Variants in CDH18 observed in about 807,000 individuals in gnomAD.
The protein encoded by CDH18 is cadherin-18.
In CDH18, 31 loss-of-function variants were observed where a neutral mutation model predicts 67.9. The ratio of observed to expected loss-of-function variants is 0.46; its 90% confidence interval spans 0.34 to 0.62. CDH18 has a LOEUF of 0.62. Among genes scored for constraint, CDH18 ranks in the 20% least tolerant of loss-of-function variants. CDH18 has a pLI of 0.01. For synonymous variants in CDH18, 362 were observed against 347.2 expected, an observed-to-expected ratio of 1.04 and a Z score of -0.48; for missense variants, 890 against 975.5, an observed-to-expected ratio of 0.91 and a Z score of 1.17.
chr5:20,313,999 A>G lies in CDH18; in HGVS notation c.-579-58494T>C, dbSNP rs78733514. Reference sequence around the variant, plus strand: ...CTTACTTTTTTTGTGTGTTTAAGATAATGAATCTTAACTTACTTGGGATAA... The same window carrying G: ...CTTACTTTTTTTGTGTGTTTAAGATGATGAATCTTAACTTACTTGGGATAA... On this transcript the variant is annotated intron_variant, in intron 1 of 14. Coordinates refer to the CDH18 transcript ENST00000507958. 5.3e-3 allele frequency among the ~76,000 whole-genome samples: 807 copies of G among 152,130 alleles called. 6 individuals are homozygous for G. The highest frequency in any genetic ancestry group is 7.9e-3 in the Non-Finnish European group (535 of 67,912).
chr5:19,546,873 A>C (rs1381119662), intron 8 of CDH18, among the ~76,000 whole-genome samples: 2 of 152,206 alleles, frequency 1.3e-5, no homozygotes, highest in Admixed American at 6.5e-5. Flanking sequence ...TGTGATCAAA[A>C]CAAGGAACTG....
intron 3 of CDH18, among the ~76,000 whole-genome samples, chr5:19,771,497 G>A (rs1005998951): frequency 2.6e-5 from 4 of 152,150 alleles, no homozygotes; most frequent in Admixed American, 2.6e-4. Context: ...ATCTTGGAAG[G>A]AGATTTTCCA....
At chr5:20,313,534 A>G (rs570517567) in intron 1 of CDH18, among the ~76,000 whole-genome samples, 1 of 152,126 alleles carries the variant, frequency 6.6e-6, no homozygotes, top group Non-Finnish European at 1.5e-5. Context: ...AAATTATTGA[A>G]GATTAGATTT....
intron 1 of CDH18, among the ~76,000 whole-genome samples, chr5:20,392,135 C>T (rs140242338): frequency 1.5e-3 from 235 of 151,768 alleles, no homozygotes; most frequent in Middle Eastern, 3.5e-3. Context: ...GAAAATAACA[C>T]CATAATATGC....
intron 2 of CDH18, among the ~76,000 whole-genome samples, chr5:20,227,991 A>T (rs1741768797): frequency 6.6e-6 from 1 of 152,166 alleles, no homozygotes; most frequent in African/African-American, 2.4e-5. Flanking sequence ...TGCCTTTTGA[A>T]GATCATCAAA....
Position 19,502,865 on chromosome 5 carries a change from A to G in CDH18, c.1630+127T>C, listed in dbSNP as rs954158687. On this transcript the variant is annotated intron_variant, in intron 11 of 12. Transcript: ENST00000382275. ...ACAAGCTATTCACAGATCATAACAC[A>G]GTAGCATCAAACTGACTTTGAATGC... 3 of 733,378 alleles carry G rather than the reference A, an allele frequency of 4.1e-6. No homozygotes were observed. The African/African-American group carries it at 5.2e-5, about 13-fold the overall frequency. The allele number at this position is 733,378 out of a possible 1,614,324, so 45.4% of individuals were successfully genotyped here.
At chr5:19,803,857 C>G (rs1329574452) in intron 3 of CDH18, 1 of 152,148 alleles carries the variant, frequency 6.6e-6, no homozygotes, top group Non-Finnish European at 1.5e-5. Context: ...CGCGGTGGCT[C>G]AAGTCTGTAA....
chr5:20,559,374 AT>A (rs1448325833), intron 1 of CDH18, among the ~76,000 whole-genome samples: 1 of 152,086 alleles, frequency 6.6e-6, no homozygotes, highest in African/African-American at 2.4e-5. Context: ...CTGGACTCAA[AT>A]TTTAACTGGG....
chr5:20,526,909 C>A (rs774554404), intron 1 of CDH18, among the ~76,000 whole-genome samples: 23 of 152,158 alleles, frequency 1.5e-4, no homozygotes, highest in Admixed American at 2.6e-4. Context: ...GGGCACAGAA[C>A]TGGGCTGAAG....
At chr5:19,812,241 G>A (rs1778812456) in intron 3 of CDH18, among the ~76,000 whole-genome samples, 1 of 152,028 alleles carries the variant, frequency 6.6e-6, no homozygotes, top group Admixed American at 6.6e-5. Flanking sequence ...TTGAAGCCAG[G>A]AAGAAGAAAC....
chr5:19,664,594 C>A (rs764020232), intron 5 of CDH18, among the ~76,000 whole-genome samples: 14 of 7,126 alleles, frequency 2.0e-3, no homozygotes, highest in Non-Finnish European at 3.5e-3. Flanking sequence ...AATATATATG[C>A]AAAGACGTTA....
intron 2 of CDH18, among the ~76,000 whole-genome samples, chr5:19,931,914 T>C (rs1368810506): frequency 6.6e-6 from 1 of 151,784 alleles, no homozygotes; most frequent in Non-Finnish European, 1.5e-5. Context: ...AGTTTCATTT[T>C]CCCCTTTTCC....
At chr5:20,118,426 T>C (rs1748093016) in intron 2 of CDH18, among the ~76,000 whole-genome samples, 1 of 152,174 alleles carries the variant, frequency 6.6e-6, no homozygotes, top group Non-Finnish European at 1.5e-5. Flanking sequence ...ATCTCACTTT[T>C]TAAAGCAGAT....
In CDH18 at chr5:19,961,977, G is replaced by C. The variant is rs535685826; in HGVS notation, c.-257+19083C>G. On this transcript the variant is annotated intron_variant, in intron 2 of 12. Coordinates refer to ENST00000382275, the MANE Select transcript of CDH18 (RefSeq NM_004934.5). ...TTTTAAATAAAATTTGGAAACTTTT[G>C]TTAACCTTCTCTCCTGTAGATATTA... Among the ~76,000 whole-genome samples, 85 of 151,626 alleles carry C rather than the reference G, an allele frequency of 5.6e-4. 1 individual carries two copies. The highest frequency in any genetic ancestry group is 2.0e-3 in the African/African-American group (83 of 41,342).
intron 2 of CDH18, among the ~76,000 whole-genome samples, chr5:20,235,397 CCAGAATATAATGAATTTAAGCAAATCA>C (rs1361336438): frequency 6.6e-6 from 1 of 151,944 alleles, no homozygotes; most frequent in East Asian, 1.9e-4. Flanking sequence ...GGCCTATTAT[CCAGAATATAATGAATTTAAGCAAATCA>C]ACAAGCAAAA....
intron 2 of CDH18, among the ~76,000 whole-genome samples, chr5:19,921,284 C>A (rs1034827987): frequency 7.9e-5 from 12 of 152,134 alleles, no homozygotes; most frequent in African/African-American, 2.9e-4. Context: ...GTAATCCCAG[C>A]ACTTTGGGAG....
chr5:20,391,000 G>A (rs748640073), intron 1 of CDH18, among the ~76,000 whole-genome samples: 10 of 151,980 alleles, frequency 6.6e-5, no homozygotes, highest in Non-Finnish European at 1.5e-4. Context: ...GGGGGAAGAG[G>A]GGAGGGATAG....
rs186649459 is a variant in CDH18, at chr5:20,447,205, A to G, written c.-580+128257T>C. On this transcript the variant is annotated intron_variant, in intron 1 of 14. Coordinates refer to the CDH18 transcript ENST00000507958. The stretch of plus-strand genomic sequence containing the variant: ...GTTTTTCTCAGTGTCCTTCTTGTTT[A>G]TTTGTTCTTTCTTCAGTCAATAAAG... Among the ~76,000 whole-genome samples the G allele has an allele frequency of 4.7e-5, 7 of 149,104 alleles. No homozygotes were observed. The East Asian group carries it at 1.4e-3, about 29-fold the overall frequency.
At chr5:19,722,366 A>G (rs959374222) in intron 4 of CDH18, among the ~76,000 whole-genome samples, 1 of 151,820 alleles carries the variant, frequency 6.6e-6, no homozygotes, top group African/African-American at 2.4e-5. Flanking sequence ...CTGGTCTACT[A>G]AGTTCAAATC....
Sources: allele counts gnomAD v4.1 joint callset (sites outside exome capture counted in the v4.1 genomes callset), GRCh38; gene constraint gnomAD v4.1.1; transcripts MANE v1.5; gene names NCBI Gene and HGNC (gene_info 2026-07-23, HGNC 2026-07-21).